The following SLCO1B3 variants were observed in gnomAD, a reference collection of about 807,000 sequenced individuals.
SLCO1B3 encodes the protein solute carrier organic anion transporter family member 1B3, also known as liver-specific organic anion transporter 2.
Under a neutral mutation model 71.8 loss-of-function variants are expected in SLCO1B3, and 72 were observed. The ratio of observed to expected loss-of-function variants is 1.00; its 90% confidence interval spans 0.83 to 1.22. The LOEUF (loss-of-function observed/expected upper bound fraction) is 1.22, where lower values mean the gene tolerates loss of function less well. Among genes scored for constraint, SLCO1B3 ranks in the 50% most tolerant of loss-of-function variants. The pLI is 0.00. For synonymous variants in SLCO1B3, 298 were observed against 278.4 expected (o/e 1.07, Z -0.70); for missense variants, 911 against 819.7 (o/e 1.11, Z -1.36).
In SLCO1B3 at chr12:20,908,948, A is replaced by G. The variant is rs141621329; in HGVS notation, c.1866-7056A>G. 1.3e-4 allele frequency among the ~76,000 whole-genome samples: 20 copies of G among 152,326 alleles called. No homozygotes were observed. The East Asian group carries it at 3.7e-3, about 28-fold the overall frequency. ...ATATGATAAAAATATGTATAGTTTT[A>G]TAAGAAATTGTCAGACTGGCTTCAA... On this transcript the variant is annotated intron_variant, in intron 15 of 15. Transcript: ENST00000381545.
At chr12:20,833,436 A>G (rs935303504) in intron 3 of SLCO1B3, among the ~76,000 whole-genome samples, 9 of 149,690 alleles carry the variant, frequency 6.0e-5, no homozygotes, top group African/African-American at 2.2e-4. Context: ...TATGTTTACT[A>G]TATATACACA....
chr12:20,898,159 ACTTT>A (rs1429220411), intron 13 of SLCO1B3, among the ~76,000 whole-genome samples: 2 of 152,114 alleles, frequency 1.3e-5, no homozygotes, highest in Non-Finnish European at 2.9e-5. Flanking sequence ...TATTCCAACC[ACTTT>A]CTTATAGGAT....
chr12:20,876,519 C>T (rs917586105), intron 9 of SLCO1B3, among the ~76,000 whole-genome samples: 7 of 152,216 alleles, frequency 4.6e-5, no homozygotes, highest in East Asian at 1.9e-4. Flanking sequence ...TTCTCCTCTC[C>T]ACCACACTAA....
chr12:20,901,599 C>G, intron 15 of SLCO1B3, 132 bp downstream of exon 15: 1 of 548,142 alleles, frequency 1.8e-6, no homozygotes, highest in Non-Finnish European at 3.3e-6. Context: ...TTTGTATTCA[C>G]TATTGTATCA....
At chr12:20,839,461 T>C (rs568773365) in intron 3 of SLCO1B3, among the ~76,000 whole-genome samples, 20 of 152,278 alleles carry the variant, frequency 1.3e-4, no homozygotes, top group African/African-American at 2.4e-4. Flanking sequence ...ATCAATGCTT[T>C]ACATATTTTT....
intron 15 of SLCO1B3, 97 bp downstream of exon 15, chr12:20,901,564 T>C (rs1277773200): frequency 1.3e-5 from 8 of 626,134 alleles, no homozygotes; most frequent in Non-Finnish European, 2.2e-5. Flanking sequence ...ATATTAATGA[T>C]AGCTACCATT....
chr12:20,822,350 G>C (rs983571164), intron 3 of SLCO1B3, among the ~76,000 whole-genome samples: 4 of 152,158 alleles, frequency 2.6e-5, no homozygotes, highest in African/African-American at 7.2e-5. Flanking sequence ...GAAAATTACA[G>C]TCAAAGGGGG....
At position 20,881,995 on chromosome 12, in the gene SLCO1B3, T is replaced by C. The variant is rs867343943; in HGVS notation, c.1497+975T>C. Among the ~76,000 whole-genome samples, 4 of 152,224 alleles carry C rather than the reference T, an allele frequency of 2.6e-5. No homozygotes were observed. The South Asian group carries it at 8.3e-4, about 31-fold the overall frequency. On this transcript the variant is annotated intron_variant, in intron 12 of 15. Coordinates refer to ENST00000381545, the MANE Select transcript of SLCO1B3 (RefSeq NM_019844.4). ...CCTCCTAGTTTCCTTGAAGATAGGC[T>C]ACAACTTTAGTAAACTTGCACATTT...
chr12:20,911,661 G>T lies in SLCO1B3; in HGVS notation c.1866-4343G>T, dbSNP rs139178068. Among the ~76,000 whole-genome samples the T allele has an allele frequency of 3.7e-3, 570 of 152,242 alleles. 2 individuals are homozygous for T. Among genetic ancestry groups the T allele is most frequent in the Admixed American group, 6.6e-3 (101 of 15,300 alleles). On this transcript the variant is annotated intron_variant, in intron 15 of 15. Coordinates refer to ENST00000381545, the MANE Select transcript of SLCO1B3 (RefSeq NM_019844.4). ...GTCTGTTTCTTCTTGTGTGAATTCAGGTAGATTGTATCTTTCAAGGAATTG... is the reference window on the plus strand; with the variant it reads ...GTCTGTTTCTTCTTGTGTGAATTCATGTAGATTGTATCTTTCAAGGAATTG...
intron 5 of SLCO1B3, among the ~76,000 whole-genome samples, chr12:20,860,341 T>A (rs908713540): frequency 3.7e-4 from 56 of 152,172 alleles, no homozygotes; most frequent in African/African-American, 1.3e-3. Context: ...ACATTTATCT[T>A]AGAGAGTGTG....
chr12:20,848,966 C>T (rs12424784), intron 3 of SLCO1B3, among the ~76,000 whole-genome samples: 2 of 152,058 alleles, frequency 1.3e-5, no homozygotes, highest in Middle Eastern at 3.4e-3. Flanking sequence ...CAAGTGAACC[C>T]TAATGTAATA....
chr12:20,819,906 A>C (rs1864261298), intron 3 of SLCO1B3, among the ~76,000 whole-genome samples: 1 of 152,136 alleles, frequency 6.6e-6, no homozygotes, highest in African/African-American at 2.4e-5. Context: ...TGGATTGGGA[A>C]GAAGGGCAGC....
chr12:20,884,469 GT>G (rs1865753542), intron 13 of SLCO1B3, among the ~76,000 whole-genome samples: 1 of 152,096 alleles, frequency 6.6e-6, no homozygotes, highest in Non-Finnish European at 1.5e-5. Context: ...TCTAGGTGCT[GT>G]TTCCTTAAGA....
chr12:20,888,322 T>C (rs1373603999), intron 13 of SLCO1B3, among the ~76,000 whole-genome samples: 1 of 152,046 alleles, frequency 6.6e-6, no homozygotes, highest in Non-Finnish European at 1.5e-5. Flanking sequence ...ATTATTCCAA[T>C]TCATGAGCGT....
At chr12:20,867,797 C>T (rs1048777477) in intron 8 of SLCO1B3, among the ~76,000 whole-genome samples, 17 of 152,118 alleles carry the variant, frequency 1.1e-4, no homozygotes, top group Admixed American at 1.1e-3. Flanking sequence ...TGATGTATTT[C>T]TGTAAAGCCA....
intron 3 of SLCO1B3, among the ~76,000 whole-genome samples, chr12:20,851,266 G>A (rs1010367240): frequency 6.6e-5 from 10 of 152,196 alleles, no homozygotes; most frequent in African/African-American, 2.4e-4. Context: ...CATGATGGCA[G>A]CACTATTTTA....
chr12:20,854,788 C>A (rs1865098900), intron 3 of SLCO1B3, among the ~76,000 whole-genome samples: 2 of 152,096 alleles, frequency 1.3e-5, no homozygotes, highest in African/African-American at 4.8e-5. Context: ...AAAATAGCAA[C>A]CTTAACTATA....
intron 3 of SLCO1B3, among the ~76,000 whole-genome samples, chr12:20,827,944 G>A (rs757253342): frequency 2.6e-5 from 4 of 152,172 alleles, no homozygotes; most frequent in Admixed American, 6.5e-5. Flanking sequence ...GTGAAAATCA[G>A]ATAGCAAAAT....
chr12:20,862,293 A>G, intron 6 of SLCO1B3, 119 bp from the exon 7 acceptor site: 1 of 1,150,832 alleles, frequency 8.7e-7, no homozygotes, highest in Non-Finnish European at 1.2e-6. Flanking sequence ...AATATGAATC[A>G]CTTGTAATTA....
Sources: allele counts gnomAD v4.1 joint callset (sites outside exome capture counted in the v4.1 genomes callset), GRCh38; gene constraint gnomAD v4.1.1; transcripts MANE v1.5; gene names NCBI Gene and HGNC (gene_info 2026-07-23, HGNC 2026-07-21).